UGT1A6: variants seen among roughly 807,000 people sequenced by gnomAD.
UGT1A6 encodes the protein UDP glucuronosyltransferase family 1 member A6.
Under a neutral mutation model 44.4 loss-of-function variants are expected in UGT1A6, and 32 were observed. The observed-to-expected ratio is 0.72, with a 90% CI of 0.54 to 0.97. UGT1A6 has a LOEUF of 0.97. UGT1A6 is among the 50% of genes least tolerant of loss of function. The pLI is 0.00. For synonymous variants in UGT1A6, 238 were observed against 248.5 expected (o/e 0.96, Z 0.40); for missense variants, 685 against 661.9 (o/e 1.03, Z -0.38).
chr2:233,739,889 C>G (rs1358734897), intron 1 of UGT1A6, among the ~76,000 whole-genome samples: 1 of 151,866 alleles, frequency 6.6e-6, no homozygotes, highest in African/African-American at 2.4e-5. Context: ...GTGTTTCCAC[C>G]CAAATCTCAT....
chr2:233,720,890 T>A (rs2076904150), intron 1 of UGT1A6, among the ~76,000 whole-genome samples: 3 of 149,442 alleles, frequency 2.0e-5, no homozygotes, highest in African/African-American at 5.0e-5. Context: ...TTTTTTTTTT[T>A]AGTAGAGATG....
chr2:233,699,744 T>G (rs1237056581), intron 1 of UGT1A6, among the ~76,000 whole-genome samples: 1 of 152,214 alleles, frequency 6.6e-6, no homozygotes, highest in African/African-American at 2.4e-5. Flanking sequence ...CCCAGAAAAC[T>G]AGACCCCAGT....
chr2:233,758,735 C>T (rs1420217475), intron 1 of UGT1A6, among the ~76,000 whole-genome samples: 1 of 152,162 alleles, frequency 6.6e-6, no homozygotes, highest in Admixed American at 6.5e-5. Context: ...AGCACATCCC[C>T]AAGTATGGCT....
At chr2:233,749,910 C>A (rs1694301201) in intron 1 of UGT1A6, among the ~76,000 whole-genome samples, 1 of 151,934 alleles carries the variant, frequency 6.6e-6, no homozygotes, top group South Asian at 2.1e-4. Context: ...CCACCTGGAA[C>A]TGTGAGTCAA....
At chr2:233,741,063 A>T (rs1349514104) in intron 1 of UGT1A6, among the ~76,000 whole-genome samples, 1 of 151,878 alleles carries the variant, frequency 6.6e-6, no homozygotes, top group Non-Finnish European at 1.5e-5. Flanking sequence ...ACAGCTACAG[A>T]GCGAGACCCT....
intron 1 of UGT1A6, among the ~76,000 whole-genome samples, chr2:233,731,462 C>A (rs1354411631): frequency 6.6e-6 from 1 of 152,008 alleles, no homozygotes; most frequent in Non-Finnish European, 1.5e-5. Flanking sequence ...CAGGCCCTGG[C>A]GTGTGATGTT....
At chr2:233,727,134 A>G (rs920073471) in intron 1 of UGT1A6, among the ~76,000 whole-genome samples, 2 of 152,208 alleles carry the variant, frequency 1.3e-5, no homozygotes, top group Non-Finnish European at 2.9e-5. Flanking sequence ...AGAGGGGAAC[A>G]AGACCACACA....
intron 1 of UGT1A6, among the ~76,000 whole-genome samples, chr2:233,721,302 G>T (rs541150498): frequency 6.6e-6 from 1 of 152,116 alleles, no homozygotes; most frequent in Non-Finnish European, 1.5e-5. Context: ...CATTTGAATA[G>T]TGATTGTGGC....
chr2:233,757,311 G>T (rs1320628354), intron 1 of UGT1A6, among the ~76,000 whole-genome samples: 1 of 149,170 alleles, frequency 6.7e-6, no homozygotes, highest in Non-Finnish European at 1.5e-5. Context: ...GGGACAGGGG[G>T]GCTGGGGCCC....
intron 1 of UGT1A6, among the ~76,000 whole-genome samples, chr2:233,763,089 A>C (rs1698233437): frequency 6.6e-6 from 1 of 152,238 alleles, no homozygotes; most frequent in South Asian, 2.1e-4. Flanking sequence ...GGATGTTTGT[A>C]GGAGAGGCAC....
At chr2:233,734,939 T>C (rs1485596557) in intron 1 of UGT1A6, among the ~76,000 whole-genome samples, 1 of 152,222 alleles carries the variant, frequency 6.6e-6, no homozygotes, top group Non-Finnish European at 1.5e-5. Flanking sequence ...TACAATCATA[T>C]GGTCAGTTTT....
intron 1 of UGT1A6, chr2:233,752,552 G>A (rs942776893): frequency 6.6e-6 from 1 of 152,002 alleles, no homozygotes; most frequent in South Asian, 2.1e-4. Context: ...GCTCTTGCTG[G>A]GACAACATAG....
rs999962124 is a variant in UGT1A6 at position 233,747,799 on chromosome 2, A to G, written c.862-19235A>G. The G allele has an allele frequency of 2.5e-6, 4 of 1,613,352 alleles. No homozygotes were observed. The African/African-American group carries it at 4.0e-5, about 16-fold the overall frequency. ...CCAAATCCTTCCTCCTATATTCCTA[A>G]GTTACTAACGACCAATTCAGACCAC... On this transcript the variant is annotated intron_variant, in intron 1 of 4. Coordinates refer to ENST00000305139, the MANE Select transcript of UGT1A6 (RefSeq NM_001072.4).
At chr2:233,744,611 C>T (rs1407412531) in intron 1 of UGT1A6, among the ~76,000 whole-genome samples, 1 of 151,864 alleles carries the variant, frequency 6.6e-6, no homozygotes, top group Non-Finnish European at 1.5e-5. Context: ...TAGTACTTGG[C>T]TCTATAGAGA....
At position 233,743,680 on chromosome 2, in the gene UGT1A6, G is replaced by C. The variant is rs555741522; in HGVS notation, c.862-23354G>C. 7 of 1,367,102 alleles carry C rather than the reference G, an allele frequency of 5.1e-6. No homozygotes were observed. The South Asian group carries it at 6.8e-5, about 13-fold the overall frequency. 84.7% of individuals were successfully genotyped at this position (1,367,102 alleles called of 1,614,324 possible). On this transcript the variant is annotated intron_variant, in intron 1 of 4. Coordinates refer to ENST00000305139, the MANE Select transcript of UGT1A6 (RefSeq NM_001072.4). The stretch of plus-strand genomic sequence containing the variant: ...CGAAGGGGTCCTCGAAGGGCCTGCC[G>C]CCTGTGCAGCCGCCCTCCGCCCCCG...
At position 233,768,342 on chromosome 2, in the gene UGT1A6, C is replaced by A. The variant is rs778766461; in HGVS notation, c.1204C>A (p.Arg402Ser). ...LFGDQMDNAK[R>S]METKGAGVTL... ...TGGTGATCAGATGGACAATGCAAAGCGCATGGAGACTAAGGGAGCTGGAGT... is the reference window on the plus strand; with the variant it reads ...TGGTGATCAGATGGACAATGCAAAGAGCATGGAGACTAAGGGAGCTGGAGT... The change falls in exon 4 of 5, where the codon CGC becomes AGC. Residue 402 changes from arginine (R) to serine (S), a missense_variant. By Grantham distance (110) the Arg-to-Ser change is moderately radical. Coordinates refer to ENST00000305139, the MANE Select transcript of UGT1A6 (RefSeq NM_001072.4). 6.2e-7 allele frequency: 1 copy of A among 1,613,974 alleles called. No individual in the cohort carries two copies. Among genetic ancestry groups the A allele is most frequent in the Non-Finnish European group, 8.5e-7 (1 of 1,180,048 alleles).
At chr2:233,700,796 T>C (rs2075587558) in intron 1 of UGT1A6, among the ~76,000 whole-genome samples, 1 of 152,174 alleles carries the variant, frequency 6.6e-6, no homozygotes, top group Non-Finnish European at 1.5e-5. Context: ...TATGTATACA[T>C]GTGCCATGTT....
intron 1 of UGT1A6, among the ~76,000 whole-genome samples, chr2:233,709,664 G>A (rs775145297): frequency 1.3e-5 from 2 of 152,116 alleles, no homozygotes; most frequent in African/African-American, 2.4e-5. Context: ...TTGTATAGTA[G>A]GTTTTGGTCT....
intron 1 of UGT1A6, among the ~76,000 whole-genome samples, chr2:233,736,610 A>G (rs2078784118): frequency 6.6e-6 from 1 of 152,034 alleles, no homozygotes; most frequent in Non-Finnish European, 1.5e-5. Context: ...TGGTTTTTAG[A>G]ATTTTCAGCT....
Sources: gnomAD v4.1 joint callset for allele counts (sites outside exome capture counted in the v4.1 genomes callset) on GRCh38, gnomAD v4.1.1 for gene constraint, MANE v1.5 for transcripts, NCBI Gene and HGNC (gene_info 2026-07-23, HGNC 2026-07-21) for gene names.